Variants in CDH18 observed in about 807,000 individuals in gnomAD.
The protein encoded by CDH18 is cadherin-18.
In CDH18, 31 loss-of-function variants were observed where a neutral mutation model predicts 67.9. The observed-to-expected ratio is 0.46, with a 90% CI of 0.34 to 0.62. The LOEUF is 0.62. Ranked by LOEUF, CDH18 falls within the 20% of genes least tolerant of loss-of-function variation. CDH18 has a pLI of 0.01. For synonymous variants in CDH18, 362 were observed against 347.2 expected, an observed-to-expected ratio of 1.04 and a Z score of -0.48; for missense variants, 890 against 975.5, an observed-to-expected ratio of 0.91 and a Z score of 1.17.
chr5:20,524,008 A>G (rs1461254667), intron 1 of CDH18, among the ~76,000 whole-genome samples: 1 of 152,196 alleles, frequency 6.6e-6, no homozygotes, highest in Non-Finnish European at 1.5e-5. Context: ...TTTTAGTTAG[A>G]AACTCACCTA....
At chr5:20,145,871 C>G (rs949418986) in intron 2 of CDH18, among the ~76,000 whole-genome samples, 1 of 152,116 alleles carries the variant, frequency 6.6e-6, no homozygotes, top group Admixed American at 6.6e-5. Context: ...TTATATCACC[C>G]TCACACATTT....
chr5:19,946,791 C>A (rs1051514643), intron 2 of CDH18, among the ~76,000 whole-genome samples: 1 of 152,000 alleles, frequency 6.6e-6, no homozygotes, highest in African/African-American at 2.4e-5. Context: ...TAGTACAAAG[C>A]AAGAAAATAA....
At chr5:20,108,899 C>T (rs573166478) in intron 2 of CDH18, among the ~76,000 whole-genome samples, 1 of 152,230 alleles carries the variant, frequency 6.6e-6, no homozygotes, top group Non-Finnish European at 1.5e-5. Context: ...GCCTCAGTTT[C>T]CTAATATGTA....
intron 10 of CDH18, among the ~76,000 whole-genome samples, chr5:19,509,788 A>T (rs1323414043): frequency 6.6e-6 from 1 of 152,148 alleles, no homozygotes; most frequent in Non-Finnish European, 1.5e-5. Context: ...CACTTTAGGC[A>T]TATCTAAATT....
At chr5:20,188,673 C>T (rs955869666) in intron 2 of CDH18, among the ~76,000 whole-genome samples, 3 of 151,818 alleles carry the variant, frequency 2.0e-5, no homozygotes, top group East Asian at 1.9e-4. Flanking sequence ...CATTTTAAAT[C>T]CAGTTCTCAC....
intron 4 of CDH18, among the ~76,000 whole-genome samples, chr5:19,736,715 A>G (rs1174755696): frequency 6.6e-6 from 1 of 152,124 alleles, no homozygotes; most frequent in Non-Finnish European, 1.5e-5. Context: ...CTTGGTATCT[A>G]CATGGACTGT....
At chr5:19,703,680 T>G (rs1277668774) in intron 5 of CDH18, among the ~76,000 whole-genome samples, 1 of 152,024 alleles carries the variant, frequency 6.6e-6, no homozygotes, top group Non-Finnish European at 1.5e-5. Context: ...GAGGGTGATA[T>G]AGAGGCTTGG....
intron 2 of CDH18, among the ~76,000 whole-genome samples, chr5:20,012,619 G>C (rs1737549328): frequency 6.6e-6 from 1 of 152,006 alleles, no homozygotes; most frequent in African/African-American, 2.4e-5. Flanking sequence ...AAAGAAATCA[G>C]AGATGACACA....
At chr5:20,183,205 ATTG>A (rs70954641) in intron 2 of CDH18, among the ~76,000 whole-genome samples, 78,819 of 151,600 alleles carry the variant, frequency 0.52, 20,871 homozygotes, top group Middle Eastern at 0.67. Context: ...TATCATTACT[ATTG>A]TTGTTATTGT....
intron 6 of CDH18, among the ~76,000 whole-genome samples, chr5:19,600,254 C>T (rs919104523): frequency 2.0e-5 from 3 of 151,364 alleles, no homozygotes; most frequent in Non-Finnish European, 4.4e-5. Context: ...ATGTAAATGA[C>T]GAGTTAATGG....
chr5:20,093,159 C>A (rs1745590284), intron 2 of CDH18, among the ~76,000 whole-genome samples: 1 of 151,792 alleles, frequency 6.6e-6, no homozygotes, highest in African/African-American at 2.4e-5. Context: ...AAGCTTGACC[C>A]CAAGAATTCG....
At chr5:20,335,547 G>A (rs1739647383) in intron 1 of CDH18, among the ~76,000 whole-genome samples, 1 of 152,072 alleles carries the variant, frequency 6.6e-6, no homozygotes, top group South Asian at 2.1e-4. Context: ...ACATTTCTGA[G>A]ACTTTCACTA....
chr5:19,669,157 A>T (rs1300761506), intron 5 of CDH18, among the ~76,000 whole-genome samples: 1 of 146,160 alleles, frequency 6.8e-6, no homozygotes, highest in Non-Finnish European at 1.5e-5. Flanking sequence ...ATATAATATC[A>T]TATATCATAT....
At chr5:19,701,704 C>T (rs1018682217) in intron 5 of CDH18, among the ~76,000 whole-genome samples, 1 of 151,994 alleles carries the variant, frequency 6.6e-6, no homozygotes, top group African/African-American at 2.4e-5. Flanking sequence ...TATGACTGGG[C>T]AAGCAGGGGA....
Position 19,703,963 on chromosome 5 carries a change from T to C in CDH18, c.643+17384A>G, listed in dbSNP as rs377171547. Among the ~76,000 whole-genome samples the C allele has an allele frequency of 3.6e-4, 55 of 152,246 alleles. 1 individual carries two copies. Among genetic ancestry groups the C allele is most frequent in the Admixed American group, 3.5e-3 (53 of 15,300 alleles). ...GGAGTGCAAGTACAAACAGGAGTCA[T>C]TGATTCAGATTACAATGGGGAAATT... On this transcript the variant is annotated intron_variant, in intron 5 of 12. Coordinates refer to ENST00000382275, the MANE Select transcript of CDH18 (RefSeq NM_004934.5).
intron 1 of CDH18, among the ~76,000 whole-genome samples, chr5:20,336,724 CAAAAAAAAAAAAA>C (rs59083214): frequency 3.6e-3 from 227 of 63,494 alleles, no homozygotes; most frequent in Admixed American, 0.01. Context: ...GCCTCTGTCT[CAAAAAAAAAAAAA>C]AAAAAAAAAA....
At chr5:20,225,521 G>C (rs1741552838) in intron 2 of CDH18, among the ~76,000 whole-genome samples, 1 of 152,030 alleles carries the variant, frequency 6.6e-6, no homozygotes, top group African/African-American at 2.4e-5. Context: ...AATATTTCTT[G>C]TGCTGTAGAC....
At chr5:20,157,044 T>C (rs1316992609) in intron 2 of CDH18, among the ~76,000 whole-genome samples, 4 of 152,146 alleles carry the variant, frequency 2.6e-5, no homozygotes, top group Non-Finnish European at 5.9e-5. Flanking sequence ...CTTTTAAGTG[T>C]GTAACAGGGA....
At chr5:19,575,353 A>G (rs1742147812) in intron 7 of CDH18, among the ~76,000 whole-genome samples, 1 of 152,186 alleles carries the variant, frequency 6.6e-6, no homozygotes, top group South Asian at 2.1e-4. Context: ...CTCACTTGGT[A>G]GGGAAGAGAG....
Sources: gnomAD v4.1 joint callset for allele counts (sites outside exome capture counted in the v4.1 genomes callset) on GRCh38, gnomAD v4.1.1 for gene constraint, MANE v1.5 for transcripts, NCBI Gene and HGNC (gene_info 2026-07-23, HGNC 2026-07-21) for gene names.